Variants in BBS4 observed in about 807,000 individuals in gnomAD.
BBS4 encodes the protein Bardet-Biedl syndrome 4.
In BBS4, 58 loss-of-function variants were observed where a neutral mutation model predicts 71.4. The ratio of observed to expected loss-of-function variants is 0.81; its 90% CI spans 0.66 to 1.01. The LOEUF (loss-of-function observed/expected upper bound fraction) is 1.01, where lower values mean the gene tolerates loss of function less well. Ranked by LOEUF, BBS4 falls within the 50% of genes least tolerant of loss-of-function variation. BBS4 has a pLI of 0.00. For missense variants in BBS4, 660 were observed against 607.9 expected (o/e 1.09, Z -0.90); for synonymous variants, 228 against 216.8 (o/e 1.05, Z -0.46).
chr15:72,738,395 A>G lies in BBS4; in HGVS notation c.*808A>G, dbSNP rs921633668. The G allele has an allele frequency of 5.7e-5, 24 of 418,202 alleles. No individual in the cohort carries two copies. The highest frequency in any genetic ancestry group is 5.0e-4 in the African/African-American group (24 of 48,388). The allele number at this position is 418,202 out of a possible 1,614,324, so 25.9% of individuals were successfully genotyped here. ...ATGTGTCCTTTTTAGAATAAAGATTACATATCATCATTCCTTTGGGGAAAA... is the reference window on the plus strand; with the variant it reads ...ATGTGTCCTTTTTAGAATAAAGATTGCATATCATCATTCCTTTGGGGAAAA... On this transcript the variant is annotated 3_prime_UTR_variant, in exon 16 of 16. Transcript: ENST00000268057.
intron 3 of BBS4, among the ~76,000 whole-genome samples, chr15:72,711,983 T>G (rs1046184663): frequency 6.6e-6 from 1 of 152,156 alleles, no homozygotes; most frequent in Non-Finnish European, 1.5e-5. Flanking sequence ...TTCTCCTTCC[T>G]CAGCCTCCTG....
intron 15 of BBS4, 93 bp downstream of exon 15, chr15:72,737,056 G>A (rs1019136255): frequency 6.3e-6 from 9 of 1,429,880 alleles, no homozygotes; most frequent in Non-Finnish European, 4.9e-6. Flanking sequence ...GTTCTCTTCA[G>A]ACTCATATGT....
intron 1 of BBS4, among the ~76,000 whole-genome samples, chr15:72,693,862 C>CA (rs755169171): frequency 1.3e-5 from 2 of 151,912 alleles, no homozygotes; most frequent in Admixed American, 6.6e-5. Context: ...AGCCAGCTGT[C>CA]AGTCTTTTTT....
intron 13 of BBS4, 69 bp downstream of exon 13, chr15:72,735,251 A>T (rs1230520063): frequency 1.6e-6 from 2 of 1,229,326 alleles, no homozygotes; most frequent in African/African-American, 3.0e-5. Flanking sequence ...GGTGCCATAC[A>T]TAGCATTGGT....
At chr15:72,696,825 A>G (rs2065085148) in intron 2 of BBS4, among the ~76,000 whole-genome samples, 1 of 152,072 alleles carries the variant, frequency 6.6e-6, no homozygotes, top group South Asian at 2.1e-4. Flanking sequence ...TCCTGGCTTC[A>G]AGTGATACTC....
At chr15:72,723,044 A>G (rs1204785456) in intron 7 of BBS4, among the ~76,000 whole-genome samples, 197 bp downstream of exon 7, 2 of 152,134 alleles carry the variant, frequency 1.3e-5, no homozygotes, top group Non-Finnish European at 2.9e-5. Context: ...TAATAAGAAC[A>G]TGGAAAGTTC....
intron 1 of BBS4, among the ~76,000 whole-genome samples, chr15:72,693,232 G>A (rs1396635849): frequency 5.3e-5 from 8 of 152,236 alleles, no homozygotes; most frequent in South Asian, 2.1e-4. Flanking sequence ...GTTTTATTCA[G>A]TCAGTAGATG....
chr15:72,692,712 A>G (rs919827151), intron 1 of BBS4, among the ~76,000 whole-genome samples: 3 of 151,812 alleles, frequency 2.0e-5, no homozygotes, highest in African/African-American at 7.3e-5. Context: ...CTCCCACCTC[A>G]GCCTTCTGAG....
chr15:72,732,701 T>C lies in BBS4; in HGVS notation c.1036+975T>C, dbSNP rs143951813. Among the ~76,000 whole-genome samples the C allele has an allele frequency of 7.1e-3, 1,077 of 152,300 alleles. 10 individuals carry two copies. The highest frequency in any genetic ancestry group is 0.025 in the African/African-American group (1,029 of 41,564). On this transcript the variant is annotated intron_variant, in intron 12 of 15. Transcript: ENST00000268057. ...CAACAGATCAGAAGACATCTGCCAC[T>C]GGAAAGATAGTCTGTTACAATTCCT...
Position 72,729,595 on chromosome 15 carries a change from CTTG to C in BBS4, c.643-18_643-16del. On this transcript the variant is annotated intron_variant, in intron 9 of 15. Transcript: ENST00000268057. ...CCGTCTCCTTGCTGATGTAAATTGTCTTGTTTGCTTTTTTTCCAAGCTCGGCAT... is the reference window on the plus strand; with the variant it reads ...CCGTCTCCTTGCTGATGTAAATTGTCTTTGCTTTTTTTCCAAGCTCGGCAT... The C allele has an allele frequency of 6.2e-7, 1 of 1,613,136 alleles. No individual in the cohort carries two copies. The highest frequency in any genetic ancestry group is 1.6e-4 in the Middle Eastern group (1 of 6,062).
intron 2 of BBS4, among the ~76,000 whole-genome samples, chr15:72,699,536 C>T (rs533009036): frequency 1.3e-5 from 2 of 152,256 alleles, no homozygotes; most frequent in East Asian, 3.9e-4. Context: ...TATGTATACT[C>T]ATGTACATAT....
intron 10 of BBS4, among the ~76,000 whole-genome samples, chr15:72,729,923 G>A (rs1009975303): frequency 6.6e-6 from 1 of 152,208 alleles, no homozygotes; most frequent in African/African-American, 2.4e-5. Context: ...GCAGATCATA[G>A]TGCTAGTAAA....
At chr15:72,731,818 G>C in intron 12 of BBS4, 92 bp downstream of exon 12, 1 of 1,476,086 alleles carries the variant, frequency 6.8e-7, no homozygotes. Context: ...TGTCTCATAG[G>C]AGCCATTCCC....
chr15:72,687,532 A>T (rs2150986193), intron 1 of BBS4, among the ~76,000 whole-genome samples: 1 of 150,552 alleles, frequency 6.6e-6, no homozygotes. Context: ...TGAACCCCGG[A>T]GGCGGAGGTT....
Position 72,738,170 on chromosome 15 carries a change from C to T in BBS4, c.*583C>T, listed in dbSNP as rs549986090. The stretch of plus-strand genomic sequence containing the variant: ...CAGCTGCATTTGCCCAAAGGGAATC[C>T]AGAACAAGTCCCTCCCTGTATTTTG... On this transcript the variant is annotated 3_prime_UTR_variant, in exon 16 of 16. Coordinates refer to ENST00000268057, the MANE Select transcript of BBS4 (RefSeq NM_033028.5). The T allele has an allele frequency of 4.4e-6, 2 of 450,734 alleles. No individual in the cohort carries two copies. Among genetic ancestry groups the T allele is most frequent in the South Asian group, 3.1e-5 (2 of 63,924 alleles). 27.9% of individuals were successfully genotyped at this position (450,734 alleles called of 1,614,324 possible).
intron 2 of BBS4, among the ~76,000 whole-genome samples, chr15:72,704,812 G>A (rs2065233624): frequency 6.6e-6 from 1 of 152,048 alleles, no homozygotes; most frequent in South Asian, 2.1e-4. Flanking sequence ...TCTGGGAGGT[G>A]GAGATTGCGG....
Position 72,709,734 on chromosome 15 carries a change from G to T in BBS4, c.111G>T (p.Trp37Cys), listed in dbSNP as rs765714902. ...TTCCTATTTTGGAGAAGCAGAACTG[G>T]TTGATTCATCTTCATTATATCCGGA... ...PEFPILEKQN[W>C]LIHLHYIRKD... The change falls in exon 3 of 16, where the codon TGG (tryptophan) becomes TGT (cysteine). Residue 37 changes from tryptophan (W) to cysteine (C), a missense_variant. Physicochemically the swap from Trp to Cys is radical, Grantham distance 215. Coordinates refer to ENST00000268057, the MANE Select transcript of BBS4 (RefSeq NM_033028.5). The T allele has an allele frequency of 3.7e-6, 6 of 1,613,742 alleles. No individual in the cohort carries two copies. The highest frequency in any genetic ancestry group is 5.1e-6 in the Non-Finnish European group (6 of 1,179,826).
chr15:72,703,184 G>A (rs552359078), intron 2 of BBS4, among the ~76,000 whole-genome samples: 144 of 152,208 alleles, frequency 9.5e-4, no homozygotes, highest in African/African-American at 3.4e-3. Context: ...ATTAGCAAGT[G>A]GAGGAACTGG....
At chr15:72,716,950 G>C (rs2065478333) in intron 6 of BBS4, 100 bp downstream of exon 6, 1 of 881,066 alleles carries the variant, frequency 1.1e-6, no homozygotes, top group South Asian at 1.5e-5. Flanking sequence ...TTCCAAAAAT[G>C]TCTTGATTTT....
Sources: allele counts gnomAD v4.1 joint callset (sites outside exome capture counted in the v4.1 genomes callset), GRCh38; gene constraint gnomAD v4.1.1; transcripts MANE v1.5; gene names NCBI Gene and HGNC (gene_info 2026-07-23, HGNC 2026-07-21).